Variants in DAB2IP observed in about 807,000 individuals in gnomAD.
The protein encoded by DAB2IP is DAB2 interacting protein, also known as disabled homolog 2-interacting protein.
A neutral mutation model predicts 107.2 loss-of-function variants in DAB2IP; 28 were observed. The ratio of observed to expected loss-of-function variants is 0.26; its 90% CI spans 0.19 to 0.36. The LOEUF (loss-of-function observed/expected upper bound fraction) is 0.36. Among genes scored for constraint, DAB2IP ranks in the 10% least tolerant of loss-of-function variants. The probability of loss-of-function intolerance (pLI) is 1.00; values close to 1 mark genes in which losing one functional copy is unlikely to be tolerated. For missense variants in DAB2IP, 1,400 were observed against 1,644.7 expected, an observed-to-expected ratio of 0.85 and a Z score of 2.57; for synonymous variants, 755 against 706.4, an observed-to-expected ratio of 1.07 and a Z score of -1.09.
intron 3 of DAB2IP, among the ~76,000 whole-genome samples, chr9:121,743,431 T>C (rs1832491408): frequency 6.6e-6 from 1 of 152,140 alleles, no homozygotes; most frequent in Admixed American, 6.5e-5. Context: ...TTTCGTTTTT[T>C]GTTTTTTTTT....
exon 16 of DAB2IP, chr9:121,783,485 G>C (rs1304504729): frequency 6.2e-7 from 1 of 1,613,890 alleles, no homozygotes; most frequent in African/African-American, 1.3e-5. Flanking sequence ...AGATTCTAAC[G>C]CCTGCAGGCC....
intron 2 of DAB2IP, among the ~76,000 whole-genome samples, chr9:121,682,868 G>C (rs930716257): frequency 6.6e-6 from 1 of 152,028 alleles, no homozygotes; most frequent in African/African-American, 2.4e-5. Flanking sequence ...CCTATAGGGA[G>C]AGTTGGGGGG....
rs1834843795 is a variant in DAB2IP, at chr9:121,772,591, G to T, written c.2079-16G>T. ...CTTTTCCCCTTCTTTCCCTGTGTGT[G>T]CTTGTCTCCCTGCAGTCTGATAGAT... On this transcript the variant is annotated splice_polypyrimidine_tract_variant and intron_variant, in intron 11 of 15. Coordinates refer to ENST00000408936, the Ensembl canonical transcript of DAB2IP. This position sits in a 1 kb window ranked among gnomAD's most constrained non-coding sequence, Gnocchi z 4.7. 6.2e-7 allele frequency: 1 copy of T among 1,602,592 alleles called. No homozygotes were observed. Among genetic ancestry groups the T allele is most frequent in the African/African-American group, 1.3e-5 (1 of 74,716 alleles).
At chr9:121,755,476 T>G (rs531826372) in intron 3 of DAB2IP, among the ~76,000 whole-genome samples, 29 of 151,816 alleles carry the variant, frequency 1.9e-4, no homozygotes, top group South Asian at 1.9e-3. Context: ...AGAGGCCAGC[T>G]TCGTGCTGGG....
intron 1 of DAB2IP, among the ~76,000 whole-genome samples, chr9:121,606,203 T>A (rs1225465979): frequency 2.7e-5 from 4 of 150,872 alleles, no homozygotes; most frequent in Non-Finnish European, 4.4e-5. Flanking sequence ...GAAAAAAAAA[T>A]AAAGAAAGAA....
intron 1 of DAB2IP, among the ~76,000 whole-genome samples, chr9:121,654,746 G>A (rs1832905959): frequency 6.6e-6 from 1 of 152,196 alleles, no homozygotes; most frequent in African/African-American, 2.4e-5. Context: ...TCCACATGGG[G>A]GCTTGGTCCC....
In DAB2IP at chr9:121,651,893, G is replaced by A. The variant is rs1832758307; in HGVS notation, c.118G>A (p.Ala40Thr). The change falls in exon 1 of 16, where the codon GCC becomes ACC. Residue 40 changes from alanine (A) to threonine (T), a missense_variant. Around this residue, in one of 3 missense-constraint regions of DAB2IP, gnomAD observed 283 missense variants for 237.0 expected, o/e 1.19. Transcript: ENST00000408936. This position sits in a 1 kb window ranked among gnomAD's most constrained non-coding sequence, Gnocchi z 5.1. ...CCGCTCCCGCAGCCGGACCCGGCCT[G>A]CCAGGGGTAGGCGCCACCCCGACCC... 2.8e-6 allele frequency: 4 copies of A among 1,406,186 alleles called. No homozygotes were observed. The highest frequency in any genetic ancestry group is 3.7e-6 in the Non-Finnish European group (4 of 1,073,572). The allele number at this position is 1,406,186 out of a possible 1,614,324, so 87.1% of individuals were successfully genotyped here.
At chr9:121,588,602 ATG>A (rs1297526700) in intron 1 of DAB2IP, among the ~76,000 whole-genome samples, 7 of 2,720 alleles carry the variant, frequency 2.6e-3, no homozygotes, top group Non-Finnish European at 7.7e-3. Context: ...GGAAGGGGGA[ATG>A]GGGAAGAGGG....
Position 121,580,016 on chromosome 9 carries a change from G to T in DAB2IP, c.40+12788G>T, listed in dbSNP as rs150459315. ...CTGGGTAGGAACGATGCCCAGCCTC[G>T]CCCTAGAGATTTGGATTCAGTTTAG... On this transcript the variant is annotated intron_variant, in intron 1 of 16. Transcript: ENST00000259371. Among the ~76,000 whole-genome samples the T allele has an allele frequency of 6.6e-3, 999 of 152,188 alleles. 10 individuals are homozygous for T. The highest frequency in any genetic ancestry group is 0.021 in the African/African-American group (852 of 41,522).
In DAB2IP at chr9:121,699,197, G is replaced by A; in HGVS notation, c.229-128G>A. On this transcript the variant is annotated intron_variant, in intron 2 of 15. Coordinates refer to ENST00000408936, the Ensembl canonical transcript of DAB2IP. The surrounding 1 kb of genome is among the most constrained non-coding windows in gnomAD (Gnocchi z 6.2). The stretch of plus-strand genomic sequence containing the variant: ...GCGCGGGCCGCGAGCTGCTGGGGCC[G>A]AGCCCGAGCCCGGCCCGCCCTCGGC... 1 of 968,600 alleles carries A rather than the reference G, an allele frequency of 1.0e-6. No individual in the cohort carries two copies. Among genetic ancestry groups the A allele is most frequent in the Non-Finnish European group, 1.2e-6 (1 of 817,754 alleles). 60.0% of individuals were successfully genotyped at this position (968,600 alleles called of 1,614,324 possible). A position where few individuals can be genotyped will look rare whatever the true frequency, so the allele number is the denominator to read the frequency against.
At chr9:121,590,335 G>T (rs964677341) in intron 1 of DAB2IP, among the ~76,000 whole-genome samples, 5 of 151,076 alleles carry the variant, frequency 3.3e-5, no homozygotes, top group African/African-American at 1.2e-4. Flanking sequence ...AGGGTCTTGT[G>T]GGCCTGGGTC....
chr9:121,698,118 T>G lies in DAB2IP; in HGVS notation c.229-1207T>G, dbSNP rs1589535386. Among the ~76,000 whole-genome samples, 1 of 152,328 alleles carries G rather than the reference T, an allele frequency of 6.6e-6. No individual in the cohort carries two copies. The highest frequency in any genetic ancestry group is 2.1e-4 in the South Asian group (1 of 4,822). ...AGAGGGCTGCCAAACTGACCCTTTA[T>G]TTTGTGATGGATGGAATGTGGTATT... On this transcript the variant is annotated intron_variant, in intron 2 of 15. Transcript: ENST00000408936. This position sits in a 1 kb window ranked among gnomAD's most constrained non-coding sequence, Gnocchi z 4.1.
At chr9:121,713,132 A>G (rs188253708) in intron 3 of DAB2IP, among the ~76,000 whole-genome samples, 55 of 152,148 alleles carry the variant, frequency 3.6e-4, no homozygotes, top group Admixed American at 1.2e-3. Context: ...GGCAGGGATT[A>G]TTCCATTTTA....
At chr9:121,678,366 A>ATG (rs1564151262) in intron 1 of DAB2IP, among the ~76,000 whole-genome samples, 2 of 152,118 alleles carry the variant, frequency 1.3e-5, no homozygotes, top group African/African-American at 4.8e-5. Context: ...TGTCAGTACC[A>ATG]TGTGTGTGTG....
chr9:121,678,551 T>C lies in DAB2IP; in HGVS notation c.125-127T>C, dbSNP rs144402154. The C allele has an allele frequency of 6.8e-4, 468 of 683,744 alleles. No individual in the cohort carries two copies. In the African/African-American group the frequency reaches 7.5e-3, roughly 11 times the overall value. 42.4% of individuals were successfully genotyped at this position (683,744 alleles called of 1,614,324 possible). ...TTGGAGGAACTGCCAGACTTTTCCA[T>C]AGTGCCTGGACCATTTTCTAGGGAC... On this transcript the variant is annotated intron_variant, in intron 1 of 15. Coordinates refer to ENST00000408936, the Ensembl canonical transcript of DAB2IP.
intron 1 of DAB2IP, among the ~76,000 whole-genome samples, chr9:121,669,864 T>C (rs1196604040): frequency 6.6e-6 from 1 of 152,218 alleles, no homozygotes; most frequent in African/African-American, 2.4e-5. Flanking sequence ...AATAACGTGG[T>C]ATAGCCGTGA....
chr9:121,727,706 G>A (rs1831308206), intron 3 of DAB2IP, among the ~76,000 whole-genome samples: 1 of 152,194 alleles, frequency 6.6e-6, no homozygotes, highest in Admixed American at 6.5e-5. Flanking sequence ...CCACTGCAGG[G>A]GCAGGTGAGG....
At chr9:121,605,006 G>T (rs1034072794) in intron 1 of DAB2IP, among the ~76,000 whole-genome samples, 15 of 152,116 alleles carry the variant, frequency 9.9e-5, no homozygotes, top group African/African-American at 3.1e-4. Flanking sequence ...GCCTCATTTG[G>T]ATTTTTGTTT....
At chr9:121,670,677 C>A (rs1419217478) in intron 1 of DAB2IP, among the ~76,000 whole-genome samples, 1 of 152,200 alleles carries the variant, frequency 6.6e-6, no homozygotes, top group African/African-American at 2.4e-5. Context: ...TTCCTCATCA[C>A]ATTTCTCTGA....
Sources: allele counts gnomAD v4.1 joint callset (sites outside exome capture counted in the v4.1 genomes callset), GRCh38; gene constraint gnomAD v4.1.1; regional missense constraint gnomAD v4.1.1; non-coding constraint Gnocchi (gnomAD v3.1); transcripts MANE v1.5; gene names NCBI Gene and HGNC (gene_info 2026-07-23, HGNC 2026-07-21).